Variants in SLC61A1 observed in about 807,000 individuals in gnomAD.
The protein encoded by SLC61A1 is major facilitator superfamily domain containing 5.
chr12:53,252,961 A>G, the SLC61A1 span: 1 of 1,614,102 alleles, frequency 6.2e-7, no homozygotes, highest in Non-Finnish European at 8.5e-7. Context: ...TTCGGTTTCA[A>G]CTGGACTTCT....
At chr12:53,253,486 G>A in the SLC61A1 span, 7 of 1,614,054 alleles carry the variant, frequency 4.3e-6, no homozygotes, top group Non-Finnish European at 5.9e-6. Flanking sequence ...CAGGGGCCTT[G>A]GCCCTTCGAA....
the SLC61A1 span, chr12:53,252,841 G>C: frequency 5.7e-4 from 926 of 1,613,800 alleles, 11 homozygotes; most frequent in South Asian, 8.3e-3. Context: ...CCACCATGCT[G>C]GTGACTGCCT....
chr12:53,252,047 A>AGGGCGGGC, the SLC61A1 span: 1 of 193,786 alleles, frequency 5.2e-6, no homozygotes, highest in East Asian at 1.2e-4. Context: ...TAAGGGAAGG[A>AGGGCGGGC]GGGCGGGCGG....
the SLC61A1 span, chr12:53,253,116 TG>T: frequency 6.2e-7 from 1 of 1,614,258 alleles, no homozygotes; most frequent in Non-Finnish European, 8.5e-7. Context: ...TTTGGCCTAG[TG>T]GCCTCCTCCC....
the SLC61A1 span, chr12:53,251,414 G>A: frequency 0.6 from 175,748 of 294,704 alleles, 53,926 homozygotes; most frequent in East Asian, 0.81. Context: ...TTGAGGAGAT[G>A]ATACGGAAGC....
At chr12:53,253,799 G>A in the SLC61A1 span, 85 of 1,614,044 alleles carry the variant, frequency 5.3e-5, no homozygotes, top group Non-Finnish European at 6.4e-5. Context: ...TGTGCTCATC[G>A]TCGTCTTCTC....
At chr12:53,254,238 C>G in the SLC61A1 span, 78 of 1,581,998 alleles carry the variant, frequency 4.9e-5, no homozygotes, top group African/African-American at 9.9e-4. Flanking sequence ...TTCCAGCTAT[C>G]CGGGATTGTA....
chr12:53,252,500 T>C, the SLC61A1 span: 6 of 1,338,096 alleles, frequency 4.5e-6, no homozygotes, highest in Non-Finnish European at 5.7e-6. Context: ...GAAGGAAGTG[T>C]ACGGGAGCTG....
the SLC61A1 span, chr12:53,252,330 C>T: frequency 1.5e-6 from 2 of 1,354,926 alleles, no homozygotes; most frequent in Non-Finnish European, 9.4e-7. Context: ...GGCTAGGGGG[C>T]GCAGTGGGGT....
the SLC61A1 span, chr12:53,253,853 C>G: frequency 6.2e-7 from 1 of 1,614,202 alleles, no homozygotes. Flanking sequence ...CCAGGAGAGT[C>G]CGGTGGAGTC....
the SLC61A1 span, chr12:53,253,618 T>C: frequency 6.2e-7 from 1 of 1,613,772 alleles, no homozygotes; most frequent in Non-Finnish European, 8.5e-7. Context: ...TATTTGAGAG[T>C]GTCATCTTCA....
the SLC61A1 span, chr12:53,252,034 G>C: frequency 6.6e-7 from 1 of 1,516,608 alleles, no homozygotes; most frequent in Non-Finnish European, 8.8e-7. Context: ...TTCCGCGCCC[G>C]GGTAAGGGAA....
At chr12:53,253,160 GTCC>G in the SLC61A1 span, 1 of 1,614,228 alleles carries the variant, frequency 6.2e-7, no homozygotes, top group Non-Finnish European at 8.5e-7. Flanking sequence ...GAATTCTTGT[GTCC>G]TCTTCTCCCT....
At chr12:53,251,223 GAGA>G in the SLC61A1 span, 2 of 154,170 alleles carry the variant, frequency 1.3e-5, no homozygotes, top group Non-Finnish European at 2.9e-5. Flanking sequence ...GGATATCTTG[GAGA>G]AGAACTGTAC....
the SLC61A1 span, chr12:53,252,224 T>C: frequency 7.1e-7 from 1 of 1,413,718 alleles, no homozygotes; most frequent in African/African-American, 1.5e-5. Flanking sequence ...CCTGGCGGCC[T>C]GGAGCCGGAC....
chr12:53,251,968 A>G, the SLC61A1 span: 1 of 1,536,072 alleles, frequency 6.5e-7, no homozygotes, highest in Admixed American at 2.0e-5. Context: ...AGGCCAGGAG[A>G]AGCAACCGCA....
At chr12:53,253,423 A>G in the SLC61A1 span, 16 of 1,614,028 alleles carry the variant, frequency 9.9e-6, no homozygotes, top group Non-Finnish European at 1.1e-5. Flanking sequence ...CCAGCTGGAT[A>G]GGGCTGGGGC....
the SLC61A1 span, chr12:53,251,799 T>C: frequency 6.5e-7 from 1 of 1,537,288 alleles, no homozygotes; most frequent in South Asian, 1.2e-5. Context: ...GCAGCGGTGC[T>C]GTTCCTTAGG....
the SLC61A1 span, chr12:53,253,768 C>G: frequency 2.5e-6 from 4 of 1,614,192 alleles, no homozygotes; most frequent in Non-Finnish European, 3.4e-6. Context: ...ACCTTCAGCC[C>G]ATGCACCTGC....
Sources: allele counts gnomAD v4.1 joint callset, GRCh38; gene constraint gnomAD v4.1.1; transcripts MANE v1.5; gene names NCBI Gene and HGNC (gene_info 2026-07-23, HGNC 2026-07-21).